The following MAGI1 variants were observed in gnomAD, a reference collection of about 807,000 sequenced individuals.
MAGI1 encodes the protein membrane associated guanylate kinase, WW and PDZ domain containing 1.
In MAGI1, 58 loss-of-function variants were observed where a neutral mutation model predicts 139.9. That is an observed-to-expected ratio of 0.41 (90% confidence interval 0.34 to 0.52). The LOEUF (loss-of-function observed/expected upper bound fraction) is 0.52, where lower values mean the gene tolerates loss of function less well. Ranked by LOEUF, MAGI1 falls within the 20% of genes least tolerant of loss-of-function variation. The pLI is 0.12. For synonymous variants in MAGI1, 812 were observed against 737.9 expected, an observed-to-expected ratio of 1.10 and a Z score of -1.63; for missense variants, 1,874 against 1,901.6, an observed-to-expected ratio of 0.99 and a Z score of 0.27.
chr3:65,521,587 T>A (rs561436622), intron 2 of MAGI1, among the ~76,000 whole-genome samples: 69 of 152,326 alleles, frequency 4.5e-4, no homozygotes, highest in African/African-American at 1.6e-3. Flanking sequence ...TGAATATTCA[T>A]GGACAATGAA....
chr3:65,811,957 TGTGA>T (rs1317742848), intron 1 of MAGI1, among the ~76,000 whole-genome samples: 2 of 150,348 alleles, frequency 1.3e-5, no homozygotes, highest in South Asian at 2.1e-4. Context: ...TGTGTGTGTG[TGTGA>T]GAGAGAGAGC....
At chr3:65,612,938 C>T (rs1054366034) in intron 2 of MAGI1, among the ~76,000 whole-genome samples, 3 of 152,010 alleles carry the variant, frequency 2.0e-5, no homozygotes, top group Non-Finnish European at 2.9e-5. Context: ...AATTATAAAG[C>T]AATTAAATAA....
At chr3:65,439,137 AT>A (rs1267458095) in intron 9 of MAGI1, among the ~76,000 whole-genome samples, 3 of 152,346 alleles carry the variant, frequency 2.0e-5, no homozygotes, top group Non-Finnish European at 1.5e-5. Context: ...AAATGGCTAA[AT>A]AAAGCAGAGG....
At position 65,638,597 on chromosome 3, in the gene MAGI1, ATTTTTTT is replaced by A. The variant is rs1173086138; in HGVS notation, c.314-16516_314-16510del. Reference sequence around the variant, plus strand: ...AGGAGTGCGCCACCATGCTCTCCTGATTTTTTTTTTTTTTTTTTTTTTTTTTTTTTCA... The same window carrying A: ...AGGAGTGCGCCACCATGCTCTCCTGATTTTTTTTTTTTTTTTTTTTTTTCA... On this transcript the variant is annotated intron_variant, in intron 1 of 22. Coordinates refer to ENST00000402939, the MANE Select transcript of MAGI1 (RefSeq NM_001033057.2). Among the ~76,000 whole-genome samples the A allele has an allele frequency of 4.4e-4, 18 of 41,014 alleles. 1 individual carries two copies. The highest frequency in any genetic ancestry group is 1.2e-3 in the African/African-American group (14 of 11,758). The allele number at this position is 41,014 out of a possible 152,430, so 26.9% of individuals were successfully genotyped here.
chr3:65,776,964 TA>T (rs1205017586), intron 1 of MAGI1, among the ~76,000 whole-genome samples: 8 of 152,304 alleles, frequency 5.3e-5, no homozygotes, highest in African/African-American at 1.7e-4. Context: ...AACCTTCTTC[TA>T]CCCTCTCCTT....
intron 2 of MAGI1, among the ~76,000 whole-genome samples, chr3:65,514,175 T>G (rs1262499377): frequency 6.6e-6 from 1 of 151,292 alleles, no homozygotes; most frequent in Non-Finnish European, 1.5e-5. Context: ...GATTAAAGAT[T>G]TAAACGTTAG....
intron 1 of MAGI1, among the ~76,000 whole-genome samples, chr3:65,981,370 T>C (rs540716766): frequency 3.3e-5 from 5 of 152,122 alleles, no homozygotes; most frequent in African/African-American, 1.2e-4. Flanking sequence ...TTTTGAGGAG[T>C]TGGTAAAATA....
At chr3:65,671,888 G>C (rs1412279362) in intron 1 of MAGI1, among the ~76,000 whole-genome samples, 3 of 152,028 alleles carry the variant, frequency 2.0e-5, no homozygotes, top group Non-Finnish European at 4.4e-5. Flanking sequence ...TCCTCATAAG[G>C]AAATCCTCAT....
At position 65,391,254 on chromosome 3, in the gene MAGI1, G is replaced by T. The variant is rs538890441; in HGVS notation, c.2304C>A (p.Pro768=). 6.2e-7 allele frequency: 1 copy of T among 1,614,006 alleles called. No individual in the cohort carries two copies. The highest frequency in any genetic ancestry group is 8.5e-7 in the Non-Finnish European group (1 of 1,180,016). ...ASPSHSTQVL[P]EFPPAEAQAP... is the part of the protein sequence containing the mutation. ...CTTGGGCCTCTGCAGGTGGGAACTC[G>T]GGGAGCACCTGTGTGCTGTGGCTTG... The change falls in exon 14 of 23, where the codon CCC becomes CCA. Residue 768 remains proline, a synonymous_variant. Coordinates refer to ENST00000402939, the MANE Select transcript of MAGI1 (RefSeq NM_001033057.2).
At chr3:65,705,924 C>T (rs758100234) in intron 1 of MAGI1, among the ~76,000 whole-genome samples, 1 of 152,114 alleles carries the variant, frequency 6.6e-6, no homozygotes, top group Admixed American at 6.5e-5. Flanking sequence ...GATATATTTC[C>T]TTATCTGCAG....
chr3:66,025,536 CAAAAACAA>C lies in MAGI1; in HGVS notation c.313+12452_313+12459del, dbSNP rs1013437572. Among the ~76,000 whole-genome samples the C allele has an allele frequency of 1.9e-4, 29 of 150,490 alleles. 1 individual carries two copies. Among genetic ancestry groups the C allele is most frequent in the East Asian group, 5.8e-4 (3 of 5,144 alleles). On this transcript the variant is annotated intron_variant, in intron 1 of 22. Coordinates refer to ENST00000402939, the MANE Select transcript of MAGI1 (RefSeq NM_001033057.2). ...GCGACAGAGAAGTAAGGCTCTGTCT[CAAAAACAA>C]AAAAACAAAAAAACAAACAAACAAA...
chr3:65,560,789 A>C (rs1464491399), intron 2 of MAGI1, among the ~76,000 whole-genome samples: 1 of 152,168 alleles, frequency 6.6e-6, no homozygotes, highest in Non-Finnish European at 1.5e-5. Flanking sequence ...AACAAAAGAC[A>C]TGTGGCAAAA....
intron 1 of MAGI1, among the ~76,000 whole-genome samples, chr3:65,640,798 A>G (rs1471189419): frequency 6.6e-6 from 1 of 152,222 alleles, no homozygotes; most frequent in Non-Finnish European, 1.5e-5. Context: ...CAAATGCACC[A>G]ATAAATCCAA....
At chr3:65,502,428 A>G (rs963647197) in intron 2 of MAGI1, among the ~76,000 whole-genome samples, 1 of 152,184 alleles carries the variant, frequency 6.6e-6, no homozygotes, top group African/African-American at 2.4e-5. Context: ...TTGGACTGTT[A>G]TAACAGAATA....
chr3:65,880,806 A>C (rs1392272135), intron 1 of MAGI1, among the ~76,000 whole-genome samples: 1 of 152,206 alleles, frequency 6.6e-6, no homozygotes, highest in East Asian at 1.9e-4. Flanking sequence ...TCCTGAATTA[A>C]AGAAAAGAGA....
intron 9 of MAGI1, among the ~76,000 whole-genome samples, chr3:65,437,607 C>A (rs1015692757): frequency 3.3e-5 from 5 of 152,058 alleles, no homozygotes; most frequent in African/African-American, 1.2e-4. Context: ...GCTGCTGAGG[C>A]CAGCTTGTCT....
chr3:65,468,573 C>T (rs146190148), intron 5 of MAGI1, among the ~76,000 whole-genome samples: 1,744 of 151,688 alleles, frequency 0.011, 35 homozygotes, highest in African/African-American at 0.039. Context: ...GATGGAGTTT[C>T]GCCATGTTGG....
chr3:65,492,290 G>C (rs1353981454), intron 3 of MAGI1, among the ~76,000 whole-genome samples: 1 of 152,180 alleles, frequency 6.6e-6, no homozygotes, highest in African/African-American at 2.4e-5. Flanking sequence ...AGAAAAATGT[G>C]ACTTTTTTCC....
At chr3:65,671,980 A>G (rs1664434180) in intron 1 of MAGI1, among the ~76,000 whole-genome samples, 1 of 152,202 alleles carries the variant, frequency 6.6e-6, no homozygotes, top group Non-Finnish European at 1.5e-5. Flanking sequence ...AATTATCACT[A>G]CAAAAAGGTT....
Sources: gnomAD v4.1 joint callset for allele counts (sites outside exome capture counted in the v4.1 genomes callset) on GRCh38, gnomAD v4.1.1 for gene constraint, MANE v1.5 for transcripts, NCBI Gene and HGNC (gene_info 2026-07-23, HGNC 2026-07-21) for gene names.